The following SH3GL3 variants were observed in gnomAD, a reference collection of about 807,000 sequenced individuals.
SH3GL3 encodes the protein endophilin-A3.
In SH3GL3, 33 loss-of-function variants were observed where a neutral mutation model predicts 47.7. That is an observed-to-expected ratio of 0.69 (90% confidence interval 0.52 to 0.92). The LOEUF is 0.92. Ranked by LOEUF, SH3GL3 falls within the 40% of genes least tolerant of loss-of-function variation. The pLI is 0.00. For missense variants in SH3GL3, 363 were observed against 417.8 expected (o/e 0.87, Z 1.14); for synonymous variants, 155 against 148.8 (o/e 1.04, Z -0.30).
At chr15:83,495,663 G>A (rs1453163189) in intron 1 of SH3GL3, among the ~76,000 whole-genome samples, 1 of 152,176 alleles carries the variant, frequency 6.6e-6, no homozygotes, top group African/African-American at 2.4e-5. Context: ...CTTGAACCCA[G>A]GAGGCGGAGG....
intron 1 of SH3GL3, among the ~76,000 whole-genome samples, chr15:83,552,797 TG>T (rs1457868243): frequency 6.6e-6 from 1 of 152,230 alleles, no homozygotes; most frequent in African/African-American, 2.4e-5. Context: ...GATGGAGTTG[TG>T]TTAAATCTCC....
intron 1 of SH3GL3, among the ~76,000 whole-genome samples, chr15:83,536,410 T>TTTTC (rs2043912580): frequency 4.3e-5 from 2 of 46,600 alleles, no homozygotes; most frequent in Admixed American, 3.2e-4. Context: ...CTTTTCTTTT[T>TTTTC]TTTTTTTTTT....
chr15:83,527,162 G>C (rs1005887905), intron 1 of SH3GL3, among the ~76,000 whole-genome samples: 1 of 152,140 alleles, frequency 6.6e-6, no homozygotes, highest in African/African-American at 2.4e-5. Flanking sequence ...AAGAGAAACA[G>C]TTTGACTTCC....
intron 1 of SH3GL3, among the ~76,000 whole-genome samples, chr15:83,521,317 C>T (rs1043064712): frequency 6.6e-6 from 1 of 152,192 alleles, no homozygotes; most frequent in African/African-American, 2.4e-5. Flanking sequence ...ATACAGGGAT[C>T]TGGCTATACA....
intron 1 of SH3GL3, among the ~76,000 whole-genome samples, chr15:83,557,080 A>C (rs2045000010): frequency 6.6e-6 from 1 of 152,230 alleles, no homozygotes. Flanking sequence ...CTATTGGCCA[A>C]AGCAAGTCGA....
At chr15:83,492,094 C>T (rs1567268312) in intron 1 of SH3GL3, among the ~76,000 whole-genome samples, 1 of 151,988 alleles carries the variant, frequency 6.6e-6, no homozygotes, top group Non-Finnish European at 1.5e-5. Flanking sequence ...ACCATCCTGG[C>T]CAACATGGTG....
chr15:83,568,642 G>T lies in SH3GL3; in HGVS notation c.301G>T (p.Gly101Trp), dbSNP rs559656402. The T allele has an allele frequency of 6.2e-7, 1 of 1,613,794 alleles. No individual in the cohort carries two copies. The highest frequency in any genetic ancestry group is 1.7e-5 in the Admixed American group (1 of 60,016). ...GCTGGGGGACTGTATGCTGAAATAC[G>T]GGAAGGAGCTCGGGGAAGACTCCAC... The part of the protein sequence containing the change: ...GLLGDCMLKY[G>W]KELGEDSTFG... Residue 101 changes from glycine to tryptophan, a missense_variant, in exon 4 of 9, where the codon GGG becomes TGG. Gly to Trp is a radical substitution (Grantham distance 184). Coordinates refer to ENST00000427482, the MANE Select transcript of SH3GL3 (RefSeq NM_003027.5).
chr15:83,577,185 A>T (rs1471679425), intron 6 of SH3GL3, among the ~76,000 whole-genome samples: 1 of 152,066 alleles, frequency 6.6e-6, no homozygotes, highest in East Asian at 1.9e-4. Context: ...CTGGGATTAA[A>T]GGTGTGAGCC....
In SH3GL3 at chr15:83,601,852, A is replaced by T. The variant is rs190226326; in HGVS notation, c.838+13081A>T. On this transcript the variant is annotated intron_variant, in intron 8 of 8. Coordinates refer to ENST00000427482, the MANE Select transcript of SH3GL3 (RefSeq NM_003027.5). The stretch of plus-strand genomic sequence containing the variant: ...GGACTTTTTTTTTTTTGGTAATTTT[A>T]AAATTACCATTTCAGTCTTGCTGCT... 4.6e-3 allele frequency among the ~76,000 whole-genome samples: 683 copies of T among 150,050 alleles called. 4 individuals are homozygous for T. The highest frequency in any genetic ancestry group is 0.015 in the African/African-American group (632 of 40,818).
chr15:83,559,989 A>G (rs2045180943), intron 2 of SH3GL3, among the ~76,000 whole-genome samples: 1 of 152,192 alleles, frequency 6.6e-6, no homozygotes, highest in Non-Finnish European at 1.5e-5. Context: ...GTCCCTTAAC[A>G]TGTTTCCCAG....
At chr15:83,616,338 C>T (rs1471661810) in intron 8 of SH3GL3, among the ~76,000 whole-genome samples, 10 of 150,498 alleles carry the variant, frequency 6.6e-5, no homozygotes, top group East Asian at 3.9e-4. Context: ...CTGCAACCTC[C>T]GCCTTCCGGG....
At chr15:83,558,140 T>C (rs2045057388) in intron 1 of SH3GL3, among the ~76,000 whole-genome samples, 3 of 152,190 alleles carry the variant, frequency 2.0e-5, no homozygotes, top group Admixed American at 1.3e-4. Flanking sequence ...GTAGATTATG[T>C]TAATGTGTTT....
chr15:83,473,673 GAGT>G (rs2040949430), intron 1 of SH3GL3, among the ~76,000 whole-genome samples: 3 of 151,546 alleles, frequency 2.0e-5, no homozygotes, highest in Non-Finnish European at 4.4e-5. Context: ...TCAGCCTCCC[GAGT>G]AGCTGGGACG....
intron 8 of SH3GL3, among the ~76,000 whole-genome samples, chr15:83,602,741 T>C (rs768765197): frequency 1.5e-4 from 23 of 152,144 alleles, no homozygotes; most frequent in Admixed American, 8.5e-4. Context: ...CCCCCTACCC[T>C]GGCAGTGAAG....
the SH3GL3 span, among the ~76,000 whole-genome samples, chr15:83,624,348 T>C: frequency 0.12 from 18,758 of 152,216 alleles, 1,583 homozygotes; most frequent in Admixed American, 0.25. Flanking sequence ...GCTACAGATC[T>C]GACCAATGAG....
At chr15:83,456,861 A>G (rs1423532489) in intron 1 of SH3GL3, among the ~76,000 whole-genome samples, 1 of 152,178 alleles carries the variant, frequency 6.6e-6, no homozygotes, top group Non-Finnish European at 1.5e-5. Flanking sequence ...TCAAGTGCAT[A>G]GTTAAATATT....
chr15:83,584,630 T>G (rs1005753676), intron 6 of SH3GL3, among the ~76,000 whole-genome samples: 5 of 152,182 alleles, frequency 3.3e-5, no homozygotes, highest in Admixed American at 2.6e-4. Context: ...AAACATCAGC[T>G]GAGTGTGAGC....
chr15:83,464,709 C>G (rs1396551471), intron 1 of SH3GL3, among the ~76,000 whole-genome samples: 1 of 152,134 alleles, frequency 6.6e-6, no homozygotes, highest in Non-Finnish European at 1.5e-5. Context: ...CCTCTTGGTT[C>G]TACTTTCAAA....
chr15:83,498,427 C>T (rs2151599440), intron 1 of SH3GL3, among the ~76,000 whole-genome samples: 1 of 152,256 alleles, frequency 6.6e-6, no homozygotes, highest in South Asian at 2.1e-4. Context: ...ATAATAAAGG[C>T]AAAGCTCTTG....
Sources: allele counts gnomAD v4.1 joint callset (sites outside exome capture counted in the v4.1 genomes callset), GRCh38; gene constraint gnomAD v4.1.1; transcripts MANE v1.5; gene names NCBI Gene and HGNC (gene_info 2026-07-23, HGNC 2026-07-21).